Variants in ATP2B2 observed in about 807,000 individuals in gnomAD.
ATP2B2 encodes the protein plasma membrane calcium-transporting ATPase 2.
A neutral mutation model predicts 120.0 loss-of-function variants in ATP2B2; 15 were observed. The observed-to-expected ratio is 0.12, with a 90% CI of 0.08 to 0.19. The LOEUF is 0.19. ATP2B2 is among the 10% of genes least tolerant of loss of function. The probability of loss-of-function intolerance (pLI) is 1.00; values close to 1 mark genes in which losing one functional copy is unlikely to be tolerated. For missense variants in ATP2B2, 1,045 were observed against 1,719.8 expected (o/e 0.61, Z 6.94); for synonymous variants, 694 against 700.3 (o/e 0.99, Z 0.14).
intron 3 of ATP2B2, among the ~76,000 whole-genome samples, chr3:10,407,708 T>C (rs975782480): frequency 6.6e-6 from 1 of 152,194 alleles, no homozygotes; most frequent in Non-Finnish European, 1.5e-5. Context: ...TGCGTTGCTG[T>C]AGAGGATACT....
intron 2 of ATP2B2, among the ~76,000 whole-genome samples, chr3:10,590,186 A>T (rs1163083706): frequency 6.6e-6 from 1 of 152,204 alleles, no homozygotes; most frequent in Non-Finnish European, 1.5e-5. Context: ...ATATGATATG[A>T]TTTTTGATAT....
chr3:10,382,503 T>C (rs1006867026), intron 8 of ATP2B2, among the ~76,000 whole-genome samples: 6 of 149,088 alleles, frequency 4.0e-5, no homozygotes, highest in African/African-American at 1.5e-4. Context: ...CCCACTACCA[T>C]GACCGGCTAA....
intron 2 of ATP2B2, among the ~76,000 whole-genome samples, chr3:10,445,879 C>A (rs2063820486): frequency 6.6e-6 from 1 of 152,196 alleles, no homozygotes; most frequent in African/African-American, 2.4e-5. Context: ...GGGGCTGGGG[C>A]TGTGCCAAGG....
At chr3:10,601,188 T>C (rs1283196982) in intron 2 of ATP2B2, among the ~76,000 whole-genome samples, 1 of 151,976 alleles carries the variant, frequency 6.6e-6, no homozygotes, top group Non-Finnish European at 1.5e-5. Flanking sequence ...GGCCACTCTC[T>C]AGGCAAAAAA....
At chr3:10,634,207 T>C (rs2069956272) in intron 1 of ATP2B2, among the ~76,000 whole-genome samples, 1 of 152,206 alleles carries the variant, frequency 6.6e-6, no homozygotes, top group Admixed American at 6.5e-5. Context: ...ACTTTATTAC[T>C]TTCAATCACA....
At chr3:10,527,491 G>T (rs966654695) in intron 3 of ATP2B2, among the ~76,000 whole-genome samples, 1 of 152,138 alleles carries the variant, frequency 6.6e-6, no homozygotes, top group Non-Finnish European at 1.5e-5. Context: ...TATGGAGCTG[G>T]GTGAGGCCAG....
chr3:10,627,902 A>C (rs1413991177), intron 1 of ATP2B2, among the ~76,000 whole-genome samples: 1 of 152,040 alleles, frequency 6.6e-6, no homozygotes, highest in East Asian at 1.9e-4. Context: ...GGGGTGGAGG[A>C]GGGGCTACAT....
Position 10,449,734 on chromosome 3 carries a change from G to C in ATP2B2, c.-191C>G. Reference sequence around the variant, plus strand: ...GTGACAGTGGTGGTGAGCTCCAAGAGGTGTCCTCCGGTGTGGGACGAGGTC... The same window carrying C: ...GTGACAGTGGTGGTGAGCTCCAAGACGTGTCCTCCGGTGTGGGACGAGGTC... On this transcript the variant is annotated 5_prime_UTR_variant, in exon 2 of 23. Transcript: ENST00000360273. 1 of 680,490 alleles carries C rather than the reference G, an allele frequency of 1.5e-6. No homozygotes were observed. The highest frequency in any genetic ancestry group is 2.6e-6 in the Non-Finnish European group (1 of 380,418). The allele number at this position is 680,490 out of a possible 1,614,324, so 42.2% of individuals were successfully genotyped here.
At chr3:10,567,276 C>T (rs1191121668) in intron 2 of ATP2B2, among the ~76,000 whole-genome samples, 1 of 152,222 alleles carries the variant, frequency 6.6e-6, no homozygotes, top group Non-Finnish European at 1.5e-5. Flanking sequence ...TTTGCAACCA[C>T]AAGTCCTGAA....
chr3:10,630,961 T>G (rs4684734), intron 1 of ATP2B2, among the ~76,000 whole-genome samples: 145,995 of 152,256 alleles, frequency 0.96, 70,053 homozygotes, highest in East Asian at 0.99. Flanking sequence ...GAGAAAGAAT[T>G]ATTTCTTCTT....
At chr3:10,589,574 A>G (rs924855620) in intron 2 of ATP2B2, among the ~76,000 whole-genome samples, 2 of 152,208 alleles carry the variant, frequency 1.3e-5, no homozygotes, top group Admixed American at 6.5e-5. Flanking sequence ...GTTTCCAAAC[A>G]CAGGACCAGC....
At chr3:10,390,037 GGGTAGAAAGCT>G (rs1465844194) in intron 5 of ATP2B2, among the ~76,000 whole-genome samples, 5 of 152,082 alleles carry the variant, frequency 3.3e-5, no homozygotes, top group African/African-American at 1.2e-4. Context: ...TTGCTACTCT[GGGTAGAAAGCT>G]GTATATGATG....
At chr3:10,400,830 C>G in intron 5 of ATP2B2, 123 bp downstream of exon 5, 1 of 1,466,172 alleles carries the variant, frequency 6.8e-7, no homozygotes, top group Non-Finnish European at 9.4e-7. Context: ...TGGGGCTGAG[C>G]TGGCTGGAGA....
At chr3:10,640,487 G>C (rs1027873489) in intron 1 of ATP2B2, among the ~76,000 whole-genome samples, 1 of 152,194 alleles carries the variant, frequency 6.6e-6, no homozygotes, top group African/African-American at 2.4e-5. Context: ...TTCTCTAGGG[G>C]GCTTGTTGTT....
intron 1 of ATP2B2, among the ~76,000 whole-genome samples, chr3:10,481,795 C>T (rs1290463776): frequency 6.6e-6 from 1 of 152,194 alleles, no homozygotes; most frequent in Non-Finnish European, 1.5e-5. Flanking sequence ...CTCAGGTGAT[C>T]CTCCCGCCTT....
chr3:10,388,651 C>T (rs1012851073), intron 5 of ATP2B2, among the ~76,000 whole-genome samples: 1 of 152,186 alleles, frequency 6.6e-6, no homozygotes, highest in African/African-American at 2.4e-5. Context: ...CCAGGCCCAC[C>T]ACCTACTACC....
intron 2 of ATP2B2, among the ~76,000 whole-genome samples, chr3:10,569,946 A>T (rs2068087391): frequency 2.0e-5 from 3 of 152,174 alleles, no homozygotes. Context: ...ACAGAAAACA[A>T]AATTGGGAAG....
intron 5 of ATP2B2, among the ~76,000 whole-genome samples, chr3:10,394,757 G>T (rs1460381066): frequency 6.6e-6 from 1 of 151,802 alleles, no homozygotes; most frequent in Non-Finnish European, 1.5e-5. Flanking sequence ...TTAGTGCTCT[G>T]GCTGGCAGGG....
chr3:10,652,059 A>G lies in ATP2B2; in HGVS notation c.-459-32098T>C, dbSNP rs896760167. 2.6e-5 allele frequency among the ~76,000 whole-genome samples: 4 copies of G among 152,294 alleles called. No individual in the cohort carries two copies. In the South Asian group the frequency reaches 8.3e-4, roughly 32 times the overall value. ...GTCTCCTCTTCTGATTTGGATATGT[A>G]TGGAGCCTGAGGCTTCAAGGGGAGA... On this transcript the variant is annotated intron_variant, in intron 1 of 21. Coordinates refer to the ATP2B2 transcript ENST00000646379.
Sources: allele counts gnomAD v4.1 joint callset (sites outside exome capture counted in the v4.1 genomes callset), GRCh38; gene constraint gnomAD v4.1.1; transcripts MANE v1.5; gene names NCBI Gene and HGNC (gene_info 2026-07-23, HGNC 2026-07-21).